Variants in BRAF observed in about 807,000 individuals in gnomAD.
BRAF encodes serine/threonine-protein kinase B-raf.
Under a neutral mutation model 104.6 loss-of-function variants are expected in BRAF, and 16 were observed. The ratio of observed to expected loss-of-function variants is 0.15; its 90% CI spans 0.10 to 0.23. The LOEUF (loss-of-function observed/expected upper bound fraction) is 0.23, where lower values mean the gene tolerates loss of function less well. BRAF is among the 10% of genes least tolerant of loss of function. BRAF has a pLI of 1.00. For missense variants in BRAF, 541 were observed against 937.3 expected, an observed-to-expected ratio of 0.58 and a Z score of 5.52; for synonymous variants, 310 against 341.6, an observed-to-expected ratio of 0.91 and a Z score of 1.02.
At chr7:140,753,422 T>G (rs143181039) in intron 15 of BRAF, 29 bp from the exon 15 acceptor site, 1 of 1,398,840 alleles carries the variant, frequency 7.1e-7, no homozygotes, top group East Asian at 2.3e-5. Context: ...AGGAAAACAG[T>G]AGATCTCATT....
In BRAF at chr7:140,865,080, A is replaced by ATT. The variant is rs558097762; in HGVS notation, c.139-14870_139-14869dup. On this transcript the variant is annotated intron_variant, in intron 1 of 19. Coordinates refer to ENST00000644969, the MANE Select transcript of BRAF (RefSeq NM_001374258.1). ...GGTTTGCAATGAGTGGAGGAAATGA[A>ATT]TTTTTTTTTTTTTTTCTGAGACAGA... Among the ~76,000 whole-genome samples, 983 of 144,788 alleles carry ATT rather than the reference A, an allele frequency of 6.8e-3. 9 individuals are homozygous for ATT. Among genetic ancestry groups the ATT allele is most frequent in the African/African-American group, 0.022 (883 of 39,312 alleles). 95.0% of individuals were successfully genotyped at this position (144,788 alleles called of 152,430 possible).
At chr7:140,716,791 C>T (rs1020753519), downstream of BRAF, among the ~76,000 whole-genome samples, 1 of 152,164 alleles carries the variant, frequency 6.6e-6, no homozygotes, top group Non-Finnish European at 1.5e-5. Flanking sequence ...AGAGGTGTTG[C>T]AGAAGAACAG....
intron 14 of BRAF, among the ~76,000 whole-genome samples, chr7:140,765,870 A>G (rs1000195752): frequency 2.0e-5 from 3 of 148,618 alleles, no homozygotes; most frequent in African/African-American, 5.2e-5. Flanking sequence ...AACTAGTTCA[A>G]CCTTTGTGGA....
intron 14 of BRAF, among the ~76,000 whole-genome samples, chr7:140,770,791 G>C (rs921407896): frequency 3.9e-5 from 6 of 151,996 alleles, no homozygotes; most frequent in African/African-American, 1.5e-4. Flanking sequence ...AAATTAGCCA[G>C]GTGTGGTGGT....
intron 1 of BRAF, among the ~76,000 whole-genome samples, chr7:140,854,632 T>C (rs1436601885): frequency 6.6e-6 from 1 of 152,094 alleles, no homozygotes; most frequent in African/African-American, 2.4e-5. Flanking sequence ...AATAAAATTT[T>C]CTTGCTGGGG....
At chr7:140,854,138 T>A (rs1431561832) in intron 1 of BRAF, among the ~76,000 whole-genome samples, 2 of 152,002 alleles carry the variant, frequency 1.3e-5, no homozygotes, top group African/African-American at 4.8e-5. Context: ...CCTGGCTAAT[T>A]TTTGTATTTT....
Position 140,924,730 on chromosome 7 carries a change from C to T in BRAF, c.-27G>A. On this transcript the variant is annotated 5_prime_UTR_variant, in exon 1 of 20. Coordinates refer to ENST00000644969, the MANE Select transcript of BRAF (RefSeq NM_001374258.1). The surrounding 1 kb of genome is among the most constrained non-coding windows in gnomAD (Gnocchi z 4.2). The stretch of plus-strand genomic sequence containing the variant: ...TTATAACCGAGAGCCGGGGCCCGAG[C>T]GGCCGCTGTCGGGCGGGGAGGGGGA... The T allele has an allele frequency of 3.8e-6, 3 of 790,512 alleles. No individual in the cohort carries two copies. The highest frequency in any genetic ancestry group is 1.6e-5 in the South Asian group (1 of 64,322). The allele number at this position is 790,512 out of a possible 1,614,324, so 49.0% of individuals were successfully genotyped here.
At chr7:140,882,926 G>A (rs1314992330) in intron 1 of BRAF, among the ~76,000 whole-genome samples, 10 of 151,796 alleles carry the variant, frequency 6.6e-5, no homozygotes, top group Admixed American at 2.0e-4. Context: ...CCTGGGAGGC[G>A]GAGGCTGCAG....
At chr7:140,862,578 T>A (rs1164400508) in intron 1 of BRAF, among the ~76,000 whole-genome samples, 1 of 152,190 alleles carries the variant, frequency 6.6e-6, no homozygotes, top group Non-Finnish European at 1.5e-5. Flanking sequence ...CATAATTAAA[T>A]TCCAGAAATT....
chr7:140,774,003 T>C (rs544503436), intron 14 of BRAF, among the ~76,000 whole-genome samples: 3 of 152,358 alleles, frequency 2.0e-5, no homozygotes, highest in South Asian at 2.1e-4. Flanking sequence ...CTGAAACTCA[T>C]AGCCCTGTTA....
At chr7:140,793,245 T>C (rs990247127) in intron 8 of BRAF, among the ~76,000 whole-genome samples, 2 of 152,120 alleles carry the variant, frequency 1.3e-5, no homozygotes, top group East Asian at 1.9e-4. Flanking sequence ...AAGATGAAGG[T>C]TGCAATTTTG....
At position 140,724,133 on chromosome 7, in the gene BRAF, A is replaced by G. The variant is rs1585892843; in HGVS notation, c.*2361T>C. 3.8e-6 allele frequency: 4 copies of G among 1,053,700 alleles called. No individual in the cohort carries two copies. Among genetic ancestry groups the G allele is most frequent in the Non-Finnish European group, 4.6e-6 (4 of 871,926 alleles). The allele number at this position is 1,053,700 out of a possible 1,614,324, so 65.3% of individuals were successfully genotyped here. ...AGCCTATTCTAAAATGCAAGGGAAG[A>G]AAAAGTGTATCACCCTGAATATTGT... On this transcript the variant is annotated 3_prime_UTR_variant, in exon 20 of 20. Coordinates refer to ENST00000644969, the MANE Select transcript of BRAF (RefSeq NM_001374258.1).
chr7:140,790,984 G>A (rs760340745), intron 8 of BRAF, among the ~76,000 whole-genome samples: 81 of 151,980 alleles, frequency 5.3e-4, no homozygotes, highest in Admixed American at 2.6e-4. Flanking sequence ...GCCTGTAATC[G>A]CAGCTACTCG....
intron 1 of BRAF, among the ~76,000 whole-genome samples, chr7:140,875,626 C>G (rs1812154696): frequency 1.3e-5 from 2 of 152,234 alleles, no homozygotes; most frequent in South Asian, 4.1e-4. Context: ...GATCCACCCG[C>G]CTCGGCCTTC....
Position 140,778,091 on chromosome 7 carries a change from TA to T in BRAF, c.1553-17del. On this transcript the variant is annotated splice_polypyrimidine_tract_variant and intron_variant, in intron 12 of 19. Coordinates refer to ENST00000644969, the MANE Select transcript of BRAF (RefSeq NM_001374258.1). ...GCCACATCACCTAAAAGGCAATTGT[TA>T]CTCCAAGTGTCATTTCAATTTTTAA... is the stretch of plus-strand genomic sequence containing the variant. 1 of 1,612,200 alleles carries T rather than the reference TA, an allele frequency of 6.2e-7. No individual in the cohort carries two copies. The highest frequency in any genetic ancestry group is 8.5e-7 in the Non-Finnish European group (1 of 1,178,784).
rs866443572 is a variant in BRAF, at chr7:140,768,679, T to C, written c.1814+8233A>G. Among the ~76,000 whole-genome samples the C allele has an allele frequency of 6.6e-5, 10 of 152,182 alleles. No individual in the cohort carries two copies. In the South Asian group the frequency reaches 2.1e-3, roughly 32 times the overall value. ...TGGCTAATTAAAAAAAATTTTTTTG[T>C]AGAGATGAGGTCTTACTATGTTGTC... On this transcript the variant is annotated intron_variant, in intron 14 of 19. Transcript: ENST00000644969.
chr7:140,876,469 A>T (rs911523840), intron 1 of BRAF, among the ~76,000 whole-genome samples: 3 of 152,212 alleles, frequency 2.0e-5, no homozygotes, highest in African/African-American at 7.2e-5. Context: ...AAATCTAAAC[A>T]TGCCAAAATT....
Position 140,803,532 on chromosome 7 carries a change from A to T in BRAF, c.712-1972T>A, listed in dbSNP as rs183614634. Among the ~76,000 whole-genome samples the T allele has an allele frequency of 3.7e-4, 57 of 152,358 alleles. 1 individual carries two copies. In the East Asian group the frequency reaches 0.011, roughly 28 times the overall value. On this transcript the variant is annotated intron_variant, in intron 5 of 19. Transcript: ENST00000644969. ...AGCTCTTCCTAATCTTACTAAAAAA[A>T]ATAAGAAACAGAAAAATCACCTAAA...
In BRAF at chr7:140,736,131, C is replaced by T. The variant is rs190141224; in HGVS notation, c.2248-1361G>A. 8.0e-3 allele frequency among the ~76,000 whole-genome samples: 1,146 copies of T among 143,446 alleles called. 18 individuals carry two copies. Among genetic ancestry groups the T allele is most frequent in the African/African-American group, 0.028 (1,078 of 38,512 alleles). 94.1% of individuals were successfully genotyped at this position (143,446 alleles called of 152,430 possible). A position where few individuals can be genotyped will look rare whatever the true frequency, so the allele number is the denominator to read the frequency against. On this transcript the variant is annotated intron_variant, in intron 18 of 19. Coordinates refer to ENST00000644969, the MANE Select transcript of BRAF (RefSeq NM_001374258.1). The stretch of plus-strand genomic sequence containing the variant: ...TATTGTCCAGGCTGGAGTGCAGTGG[C>T]GCGATCTCAGCTCACTGCAACCTCC...
Sources: gnomAD v4.1 joint callset for allele counts (sites outside exome capture counted in the v4.1 genomes callset) on GRCh38, gnomAD v4.1.1 for gene constraint, Gnocchi (gnomAD v3.1) non-coding constraint, MANE v1.5 for transcripts, NCBI Gene and HGNC (gene_info 2026-07-23, HGNC 2026-07-21) for gene names.